The following GRIK2 variants were observed in gnomAD, a reference collection of about 807,000 sequenced individuals.
GRIK2 encodes the protein glutamate receptor ionotropic, kainate 2.
Under a neutral mutation model 100.3 loss-of-function variants are expected in GRIK2, and 32 were observed. That is an observed-to-expected ratio of 0.32 (90% confidence interval 0.24 to 0.43). GRIK2 has a LOEUF of 0.43. GRIK2 is among the 20% of genes least tolerant of loss of function. GRIK2 has a pLI of 1.00. For missense variants in GRIK2, 843 were observed against 1,114.9 expected (o/e 0.76, Z 3.47); for synonymous variants, 417 against 389.4 (o/e 1.07, Z -0.83).
intron 16 of GRIK2, among the ~76,000 whole-genome samples, chr6:102,065,625 A>G (rs1771980056): frequency 6.6e-6 from 1 of 151,498 alleles, no homozygotes; most frequent in African/African-American, 2.4e-5. Context: ...GAGATTGCCA[A>G]GAAGAAGGTG....
chr6:101,699,888 T>C (rs1562319380), intron 7 of GRIK2, among the ~76,000 whole-genome samples: 1 of 152,132 alleles, frequency 6.6e-6, no homozygotes, highest in African/African-American at 2.4e-5. Context: ...GGCTCCTGCC[T>C]GTAATCCCAG....
intron 7 of GRIK2, among the ~76,000 whole-genome samples, chr6:101,784,792 A>C (rs1192171144): frequency 6.6e-6 from 1 of 152,042 alleles, no homozygotes; most frequent in African/African-American, 2.4e-5. Context: ...TTCTGCCATG[A>C]TTTTAAGTTT....
intron 14 of GRIK2, among the ~76,000 whole-genome samples, chr6:101,946,681 G>A (rs770656098): frequency 6.6e-6 from 1 of 152,116 alleles, no homozygotes; most frequent in Non-Finnish European, 1.5e-5. Flanking sequence ...CAGGCAAGGC[G>A]ATTATTGTAG....
At position 101,928,418 on chromosome 6, in the gene GRIK2, C is replaced by G; in HGVS notation, c.1871C>G (p.Ser624Cys). The stretch of plus-strand genomic sequence containing the variant: ...CCTTTCCCCCACTCTCTGTTAGGTT[C>G]TGAGCTCATGCCCAAAGCACTGTCC... ...FGVGALMQQGSELMPKALSTR... is the reference protein window; with the variant it reads ...FGVGALMQQGCELMPKALSTR... Residue 624 changes from serine (S) to cysteine (C), a missense_variant, in exon 14 of 17, where the codon TCT (serine) becomes TGT (cysteine). By Grantham distance (112) the Ser-to-Cys change is moderately radical. This residue lies in a region of GRIK2 where 237 missense variants were observed against 388.0 expected (regional missense o/e 0.61). Coordinates refer to ENST00000369134, the MANE Select transcript of GRIK2 (RefSeq NM_021956.5). 1 of 1,546,884 alleles carries G rather than the reference C, an allele frequency of 6.5e-7. No individual in the cohort carries two copies. Among genetic ancestry groups the G allele is most frequent in the East Asian group, 2.2e-5 (1 of 44,576 alleles).
At chr6:101,973,689 G>C (rs1793196801) in intron 14 of GRIK2, among the ~76,000 whole-genome samples, 1 of 151,782 alleles carries the variant, frequency 6.6e-6, no homozygotes, top group Admixed American at 6.6e-5. Flanking sequence ...TCAAGTATTG[G>C]GGGGAAATTG....
intron 10 of GRIK2, among the ~76,000 whole-genome samples, chr6:101,857,000 T>C (rs1003042845): frequency 2.0e-5 from 3 of 152,184 alleles, no homozygotes; most frequent in Non-Finnish European, 4.4e-5. Flanking sequence ...CTTCTCTTCC[T>C]ACTTAATAAA....
intron 2 of GRIK2, among the ~76,000 whole-genome samples, chr6:101,522,132 A>G (rs1267592998): frequency 2.0e-5 from 3 of 152,156 alleles, no homozygotes; most frequent in Non-Finnish European, 4.4e-5. Flanking sequence ...CAAAATTTCT[A>G]GAAACTCGTT....
intron 15 of GRIK2, among the ~76,000 whole-genome samples, chr6:102,053,541 G>C (rs1379081064): frequency 6.6e-6 from 1 of 152,090 alleles, no homozygotes; most frequent in Non-Finnish European, 1.5e-5. Flanking sequence ...AAATGATTGA[G>C]AATTCAGATG....
At chr6:101,498,001 ATAC>A (rs1009519541) in intron 2 of GRIK2, among the ~76,000 whole-genome samples, 2 of 144,620 alleles carry the variant, frequency 1.4e-5, no homozygotes, top group Non-Finnish European at 3.0e-5. Context: ...ATATCTCCTA[ATAC>A]TATCCCTCCC....
intron 2 of GRIK2, 29 bp from the exon 3 acceptor site, chr6:101,621,920 T>C (rs41285444): frequency 6.7e-7 from 1 of 1,503,618 alleles, no homozygotes; most frequent in East Asian, 2.3e-5. Flanking sequence ...TCTTGTAAAA[T>C]TTATGATTTT....
At chr6:101,768,233 G>C (rs1218077438) in intron 7 of GRIK2, among the ~76,000 whole-genome samples, 2 of 152,096 alleles carry the variant, frequency 1.3e-5, no homozygotes, top group African/African-American at 2.4e-5. Context: ...AAACATTAAG[G>C]CTGCTGCATT....
At chr6:101,649,421 A>G (rs999454530) in intron 4 of GRIK2, among the ~76,000 whole-genome samples, 3 of 152,050 alleles carry the variant, frequency 2.0e-5, no homozygotes, top group Non-Finnish European at 4.4e-5. Flanking sequence ...TTGTCATGCC[A>G]CTGCTTTTCC....
chr6:101,712,108 A>G (rs558458434), intron 7 of GRIK2, among the ~76,000 whole-genome samples: 14 of 151,958 alleles, frequency 9.2e-5, no homozygotes, highest in Middle Eastern at 3.4e-3. Context: ...TTTTAATTAT[A>G]ATTTAAAAGA....
chr6:101,866,446 A>G (rs1444562749), intron 11 of GRIK2, among the ~76,000 whole-genome samples: 1 of 152,218 alleles, frequency 6.6e-6, no homozygotes, highest in African/African-American at 2.4e-5. Context: ...TGTGAAATAT[A>G]TGAACAAGGA....
At chr6:101,889,605 CTTTTT>C in intron 11 of GRIK2, 30 bp from the exon 12 acceptor site, 11 of 711,160 alleles carry the variant, frequency 1.5e-5, no homozygotes, top group South Asian at 5.1e-5. Context: ...TTCTTTCTTT[CTTTTT>C]TTTTTTTTTT....
At chr6:101,755,160 G>A (rs943859777) in intron 7 of GRIK2, among the ~76,000 whole-genome samples, 5 of 137,578 alleles carry the variant, frequency 3.6e-5, no homozygotes, top group African/African-American at 1.4e-4. Flanking sequence ...TTTTCTTTTT[G>A]GTTTTTTTTT....
chr6:101,485,861 C>T (rs1422286355), intron 2 of GRIK2, among the ~76,000 whole-genome samples: 1 of 150,446 alleles, frequency 6.6e-6, no homozygotes, highest in Non-Finnish European at 1.5e-5. Flanking sequence ...ATTTATGCTG[C>T]AGTTTTTCTG....
At chr6:101,710,054 T>A (rs1012193619) in intron 7 of GRIK2, among the ~76,000 whole-genome samples, 1 of 151,888 alleles carries the variant, frequency 6.6e-6, no homozygotes, top group African/African-American at 2.4e-5. Flanking sequence ...AGGCAAATAC[T>A]CCTACAAAAC....
At chr6:102,040,528 T>TA (rs1466888560) in intron 15 of GRIK2, among the ~76,000 whole-genome samples, 1 of 151,620 alleles carries the variant, frequency 6.6e-6, no homozygotes, top group Non-Finnish European at 1.5e-5. Flanking sequence ...TTCCTTTTTT[T>TA]ACTTCTGTTT....
Sources: allele counts gnomAD v4.1 joint callset (sites outside exome capture counted in the v4.1 genomes callset), GRCh38; gene constraint gnomAD v4.1.1; regional missense constraint gnomAD v4.1.1; transcripts MANE v1.5; gene names NCBI Gene and HGNC (gene_info 2026-07-23, HGNC 2026-07-21).